The following SLC36A2 variants were observed in gnomAD, a reference collection of about 807,000 sequenced individuals.
SLC36A2 encodes proton-coupled amino acid transporter 2.
In SLC36A2, 39 loss-of-function variants were observed where a neutral mutation model predicts 42.7. The ratio of observed to expected loss-of-function variants is 0.91; its 90% CI spans 0.71 to 1.19. SLC36A2 has a LOEUF of 1.19. SLC36A2 is among the 50% of genes most tolerant of loss of function. SLC36A2 has a pLI of 0.00. For missense variants in SLC36A2, 590 were observed against 613.7 expected (o/e 0.96, Z 0.41); for synonymous variants, 237 against 240.8 (o/e 0.98, Z 0.15).
intron 1 of SLC36A2, 65 bp from the exon 2 acceptor site, chr5:151,344,332 C>T: frequency 7.3e-7 from 1 of 1,374,316 alleles, no homozygotes; most frequent in South Asian, 1.2e-5. Flanking sequence ...GCGGTGATTC[C>T]CTTGCAGCAT....
intron 7 of SLC36A2, among the ~76,000 whole-genome samples, chr5:151,326,158 G>A (rs1382375582): frequency 2.0e-5 from 3 of 152,132 alleles, no homozygotes; most frequent in Admixed American, 2.0e-4. Flanking sequence ...AGCTGGAAGG[G>A]CCACTGAGGT....
chr5:151,343,449 C>G, intron 3 of SLC36A2, 61 bp downstream of exon 3: 1 of 1,509,666 alleles, frequency 6.6e-7, no homozygotes. Flanking sequence ...TAGGATGTTT[C>G]TGGGCTATCC....
At position 151,330,525 on chromosome 5, in the gene SLC36A2, C is replaced by A. The variant is rs1035040721; in HGVS notation, c.843+2699G>T. ...ATGAAGATAATTTGTCACTAGTAGA[C>A]CTGCTTTAAAAGAAATGTTAATGAA... is the stretch of plus-strand genomic sequence containing the variant. On this transcript the variant is annotated intron_variant, in intron 7 of 9. Transcript: ENST00000335244. Among the ~76,000 whole-genome samples the A allele has an allele frequency of 2.0e-5, 3 of 152,072 alleles. No individual in the cohort carries two copies. In the East Asian group the frequency reaches 5.8e-4, roughly 29 times the overall value.
intron 5 of SLC36A2, among the ~76,000 whole-genome samples, chr5:151,338,425 C>T (rs1334304957): frequency 1.3e-5 from 2 of 152,016 alleles, no homozygotes; most frequent in Non-Finnish European, 1.5e-5. Flanking sequence ...TGCTATAATC[C>T]CAGTACTTTG....
chr5:151,346,143 G>A (rs757391951), intron 1 of SLC36A2, among the ~76,000 whole-genome samples: 2 of 152,142 alleles, frequency 1.3e-5, no homozygotes, highest in African/African-American at 4.8e-5. Context: ...ATCAAACCTT[G>A]TATCAGTTCA....
intron 6 of SLC36A2, among the ~76,000 whole-genome samples, chr5:151,333,961 G>A (rs941611901): frequency 7.9e-5 from 12 of 152,320 alleles, no homozygotes; most frequent in African/African-American, 2.9e-4. Flanking sequence ...TCCTGTGACT[G>A]CAGTCATAGT....
chr5:151,347,321 C>T lies in SLC36A2; in HGVS notation c.140G>A (p.Gly47Asp). The change falls in exon 1 of 10, where the codon GGC becomes GAC. Residue 47 changes from glycine (G) to aspartate (D), a missense_variant. Physicochemically the swap from Gly to Asp is moderately conservative, Grantham distance 94. Transcript: ENST00000335244. Reference protein sequence around the residue: ...FLDESPSESAGLKKTKGITVF... With the variant: ...FLDESPSESADLKKTKGITVF... ...CGTTATGCCCTTGGTCTTCTTCAAG[C>T]CTGCTGACTCTGAAGGACTTTCATC... 6.2e-7 allele frequency: 1 copy of T among 1,614,224 alleles called. No individual in the cohort carries two copies. Among genetic ancestry groups the T allele is most frequent in the Non-Finnish European group, 8.5e-7 (1 of 1,180,038 alleles).
chr5:151,343,541 G>C lies in SLC36A2; in HGVS notation c.313C>G (p.Leu105Val). The change falls in exon 3 of 10, where the codon CTG becomes GTG. Residue 105 changes from leucine to valine, a missense_variant. Physicochemically the swap from Leu to Val is conservative, Grantham distance 32 (BLOSUM62 1). Coordinates refer to ENST00000335244, the MANE Select transcript of SLC36A2 (RefSeq NM_181776.3). ...CAGAAGCGCTGGGCACACTTGACCA[G>C]GATGTGCATACAGTGGCAGGCAATG... Reference protein sequence around the residue: ...GFIACHCMHILVKCAQRFCKR... With the variant: ...GFIACHCMHIVVKCAQRFCKR... 6 of 1,614,234 alleles carry C rather than the reference G, an allele frequency of 3.7e-6. No individual in the cohort carries two copies. The highest frequency in any genetic ancestry group is 5.1e-6 in the Non-Finnish European group (6 of 1,180,044).
chr5:151,343,637 G>A (rs753892266), intron 2 of SLC36A2, 39 bp from the exon 3 acceptor site: 1 of 1,564,236 alleles, frequency 6.4e-7, no homozygotes, highest in Non-Finnish European at 8.8e-7. Context: ...GAGGAGAGAA[G>A]AGAATGCATT....
chr5:151,322,252 C>G (rs1272667637), intron 8 of SLC36A2, 37 bp from the exon 9 acceptor site: 1 of 1,610,980 alleles, frequency 6.2e-7, no homozygotes, highest in Admixed American at 1.7e-5. Flanking sequence ...TCCACGGCCA[C>G]TGTGTTCTGA....
At chr5:151,338,994 C>A in intron 5 of SLC36A2, 66 bp downstream of exon 5, 1 of 1,208,610 alleles carries the variant, frequency 8.3e-7, no homozygotes, top group South Asian at 1.2e-5. Flanking sequence ...AGCAGTTTGT[C>A]AAACAACTAG....
chr5:151,319,045 T>C, intron 9 of SLC36A2: 1 of 512,796 alleles, frequency 2.0e-6, no homozygotes, highest in Non-Finnish European at 2.5e-6. Flanking sequence ...TCCCACCCCT[T>C]CCTCAGCTTG....
At chr5:151,330,173 A>G (rs1003963924) in intron 7 of SLC36A2, among the ~76,000 whole-genome samples, 3 of 152,202 alleles carry the variant, frequency 2.0e-5, no homozygotes, top group African/African-American at 7.2e-5. Flanking sequence ...ATAATGGCTG[A>G]AATTAGGTAA....
chr5:151,333,509 A>T (rs1756054926), intron 6 of SLC36A2, among the ~76,000 whole-genome samples, 187 bp from the exon 7 acceptor site: 1 of 152,192 alleles, frequency 6.6e-6, no homozygotes, highest in Admixed American at 6.6e-5. Context: ...AAAGAGCCAG[A>T]GGACGGTATT....
intron 8 of SLC36A2, 42 bp downstream of exon 8, chr5:151,325,244 C>T (rs1337077589): frequency 6.2e-7 from 1 of 1,604,108 alleles, no homozygotes; most frequent in South Asian, 1.1e-5. Context: ...TACGTTTCCA[C>T]CCATTCCTGA....
chr5:151,335,718 C>T (rs958249463), intron 5 of SLC36A2, among the ~76,000 whole-genome samples, 171 bp from the exon 6 acceptor site: 1 of 152,192 alleles, frequency 6.6e-6, no homozygotes, highest in African/African-American at 2.4e-5. Flanking sequence ...AAACCCTCTA[C>T]ACCATACTAC....
At chr5:151,325,574 C>T (rs1318387317) in intron 7 of SLC36A2, 122 bp from the exon 8 acceptor site, 6 of 1,028,944 alleles carry the variant, frequency 5.8e-6, no homozygotes, top group Middle Eastern at 2.6e-4. Context: ...GATATTTGTA[C>T]ACTTATGTTC....
At chr5:151,333,080 G>A (rs1756041676) in intron 7 of SLC36A2, 144 bp downstream of exon 7, 1 of 739,588 alleles carries the variant, frequency 1.4e-6, no homozygotes, top group Non-Finnish European at 2.4e-6. Flanking sequence ...CCCAAGTAAG[G>A]CCAGAGGTTA....
intron 7 of SLC36A2, chr5:151,332,415 A>T: frequency 2.2e-6 from 1 of 456,050 alleles, no homozygotes; most frequent in South Asian, 1.6e-5. Flanking sequence ...AAAAACCTGT[A>T]CACAAATGCT....
Sources: gnomAD v4.1 joint callset for allele counts (sites outside exome capture counted in the v4.1 genomes callset) on GRCh38, gnomAD v4.1.1 for gene constraint, MANE v1.5 for transcripts, NCBI Gene and HGNC (gene_info 2026-07-23, HGNC 2026-07-21) for gene names.